Variants in TTC29 observed in about 807,000 individuals in gnomAD.
TTC29 encodes tetratricopeptide repeat domain 29.
In TTC29, 49 loss-of-function variants were observed where a neutral mutation model predicts 58.1. That is an observed-to-expected ratio of 0.84 (90% confidence interval 0.67 to 1.07). The LOEUF (loss-of-function observed/expected upper bound fraction) is 1.07. Ranked by LOEUF, TTC29 falls within the 50% of genes least tolerant of loss-of-function variation. The pLI is 0.00. For synonymous variants in TTC29, 209 were observed against 196.8 expected (o/e 1.06, Z -0.52); for missense variants, 582 against 555.6 (o/e 1.05, Z -0.48).
At chr4:146,747,532 T>C (rs933314218) in intron 11 of TTC29, among the ~76,000 whole-genome samples, 1 of 152,148 alleles carries the variant, frequency 6.6e-6, no homozygotes, top group Admixed American at 6.5e-5. Context: ...ACATGGAGAC[T>C]TTCACTACTG....
At chr4:146,886,523 C>T (rs1286409322) in intron 6 of TTC29, among the ~76,000 whole-genome samples, 1 of 152,102 alleles carries the variant, frequency 6.6e-6, no homozygotes, top group Non-Finnish European at 1.5e-5. Flanking sequence ...GAATGGGATA[C>T]TCATTGAACA....
chr4:146,764,550 A>G (rs2150066545), intron 11 of TTC29, among the ~76,000 whole-genome samples: 1 of 152,218 alleles, frequency 6.6e-6, no homozygotes, highest in South Asian at 2.1e-4. Context: ...TTTAAAAAGA[A>G]AAAAAACCTT....
At chr4:146,813,635 G>A (rs1321930018) in intron 10 of TTC29, among the ~76,000 whole-genome samples, 1 of 152,070 alleles carries the variant, frequency 6.6e-6, no homozygotes, top group Non-Finnish European at 1.5e-5. Context: ...AAAATATTGG[G>A]TTTGCTTTTA....
At chr4:146,822,914 T>C (rs1438911390) in intron 9 of TTC29, among the ~76,000 whole-genome samples, 4 of 152,226 alleles carry the variant, frequency 2.6e-5, no homozygotes, top group African/African-American at 9.6e-5. Context: ...TTGAGAAGTG[T>C]CTGTTCATAT....
intron 11 of TTC29, among the ~76,000 whole-genome samples, chr4:146,715,976 T>C (rs1393853748): frequency 6.6e-6 from 1 of 152,172 alleles, no homozygotes; most frequent in African/African-American, 2.4e-5. Flanking sequence ...GAAGGTAGGT[T>C]GTGAAAAGTT....
chr4:146,708,513 T>G (rs1742230702), intron 11 of TTC29, among the ~76,000 whole-genome samples: 1 of 151,060 alleles, frequency 6.6e-6, no homozygotes, highest in South Asian at 2.1e-4. Context: ...TCATTTATCA[T>G]ATATTATATG....
At chr4:146,921,613 C>T (rs765264767) in intron 4 of TTC29, among the ~76,000 whole-genome samples, 23 of 150,644 alleles carry the variant, frequency 1.5e-4, no homozygotes, top group Non-Finnish European at 3.3e-4. Flanking sequence ...GATCAATTTA[C>T]TGAAAAATAT....
intron 6 of TTC29, among the ~76,000 whole-genome samples, chr4:146,887,377 CTTG>C (rs985436557): frequency 1.8e-4 from 28 of 152,056 alleles, no homozygotes; most frequent in Admixed American, 1.2e-3. Flanking sequence ...ATACATCTGA[CTTG>C]TTGTAAGTTT....
At chr4:146,750,121 C>T (rs909546504) in intron 11 of TTC29, among the ~76,000 whole-genome samples, 2 of 152,104 alleles carry the variant, frequency 1.3e-5, no homozygotes, top group African/African-American at 4.8e-5. Flanking sequence ...CATTCTCCTG[C>T]CTCAGCCTCC....
At chr4:146,812,811 T>TA (rs1460070973) in intron 10 of TTC29, 1 of 152,230 alleles carries the variant, frequency 6.6e-6, no homozygotes, top group African/African-American at 2.4e-5. Flanking sequence ...GTTTAATTCT[T>TA]AGAGTTTACT....
Position 146,903,618 on chromosome 4 carries a change from T to C in TTC29, c.512A>G (p.Gln171Arg), listed in dbSNP as rs761868067. 5 of 1,613,130 alleles carry C rather than the reference T, an allele frequency of 3.1e-6. No individual in the cohort carries two copies. The highest frequency in any genetic ancestry group is 4.2e-6 in the Non-Finnish European group (5 of 1,179,496). Residue 171 changes from glutamine (Q) to arginine (R), a missense_variant, in exon 6 of 13, where the codon CAG (glutamine) becomes CGG (arginine). Coordinates refer to ENST00000325106, the MANE Select transcript of TTC29 (RefSeq NM_031956.4). ...HFYERCFKIA[Q>R]LIKIDCGKKE... ...CTTCCCACAGTCAATTTTGATCAGCTGAGCAATCTTAAAACATCGTTCATA... is the reference window on the plus strand; with the variant it reads ...CTTCCCACAGTCAATTTTGATCAGCCGAGCAATCTTAAAACATCGTTCATA...
intron 4 of TTC29, among the ~76,000 whole-genome samples, chr4:146,923,031 T>C (rs1734694954): frequency 6.6e-6 from 1 of 151,808 alleles, no homozygotes; most frequent in Non-Finnish European, 1.5e-5. Flanking sequence ...TACTAAGAAA[T>C]TCCCATTTCA....
At chr4:146,762,478 G>A (rs1197326638) in intron 11 of TTC29, among the ~76,000 whole-genome samples, 1 of 151,552 alleles carries the variant, frequency 6.6e-6, no homozygotes, top group Non-Finnish European at 1.5e-5. Context: ...CTTGGATAAC[G>A]TATATAGTAG....
intron 9 of TTC29, among the ~76,000 whole-genome samples, chr4:146,823,638 A>T (rs1004016580): frequency 6.6e-6 from 1 of 152,212 alleles, no homozygotes; most frequent in African/African-American, 2.4e-5. Context: ...TTCTGTGAAG[A>T]ATGTCAATGG....
intron 11 of TTC29, among the ~76,000 whole-genome samples, chr4:146,718,157 C>T (rs1743080224): frequency 6.6e-6 from 1 of 152,138 alleles, no homozygotes; most frequent in Non-Finnish European, 1.5e-5. Flanking sequence ...CATGACTTGG[C>T]TATTAGGAAT....
chr4:146,825,962 G>A (rs762639797), intron 9 of TTC29, among the ~76,000 whole-genome samples: 9 of 151,534 alleles, frequency 5.9e-5, no homozygotes, highest in Non-Finnish European at 1.3e-4. Context: ...CATTTGCTTG[G>A]TAAATTTTTC....
chr4:146,872,074 T>G (rs191082012), intron 7 of TTC29, among the ~76,000 whole-genome samples: 1 of 152,174 alleles, frequency 6.6e-6, no homozygotes, highest in Non-Finnish European at 1.5e-5. Context: ...GCAATAGAAT[T>G]GAGAATCCAG....
intron 9 of TTC29, among the ~76,000 whole-genome samples, chr4:146,830,898 C>T (rs1728112736): frequency 1.3e-5 from 2 of 152,152 alleles, no homozygotes; most frequent in South Asian, 4.1e-4. Context: ...TATGAGTGGA[C>T]TTGATTTAAT....
chr4:146,796,335 G>T (rs1378317858), intron 11 of TTC29, among the ~76,000 whole-genome samples: 4 of 151,942 alleles, frequency 2.6e-5, no homozygotes, highest in Non-Finnish European at 4.4e-5. Flanking sequence ...AGAAAGCTAG[G>T]AATCATAGAT....
Sources: allele counts gnomAD v4.1 joint callset (sites outside exome capture counted in the v4.1 genomes callset), GRCh38; gene constraint gnomAD v4.1.1; transcripts MANE v1.5; gene names NCBI Gene and HGNC (gene_info 2026-07-23, HGNC 2026-07-21).